The following LRRTM4 variants were observed in gnomAD, a reference collection of about 807,000 sequenced individuals.
LRRTM4 encodes leucine-rich repeat transmembrane neuronal protein 4.
LRRTM4 carries 25 observed loss-of-function variants against 47.6 expected under a neutral mutation model. The observed-to-expected ratio is 0.53, with a 90% CI of 0.38 to 0.73. The LOEUF (loss-of-function observed/expected upper bound fraction) is 0.73, where lower values mean the gene tolerates loss of function less well. Ranked by LOEUF, LRRTM4 falls within the 30% of genes least tolerant of loss-of-function variation. The pLI, the probability that LRRTM4 is intolerant of heterozygous loss-of-function variation, is 0.00. For missense variants in LRRTM4, 638 were observed against 713.4 expected (o/e 0.89, Z 1.20); for synonymous variants, 311 against 269.5 (o/e 1.15, Z -1.51).
rs146471607 is a variant in LRRTM4 at position 77,439,532 on chromosome 2, C to CA, written c.1551+78785dup. On this transcript the variant is annotated intron_variant, in intron 3 of 3. Coordinates refer to ENST00000409884, the MANE Select transcript of LRRTM4 (RefSeq NM_001134745.3). ...AACATTTCTGAGGAAGAAATCTGTACAAAAAAAATCTATTGTGTGAGACAA... is the reference window on the plus strand; with the variant it reads ...AACATTTCTGAGGAAGAAATCTGTACAAAAAAAAATCTATTGTGTGAGACAA... 8.7e-3 allele frequency among the ~76,000 whole-genome samples: 1,326 copies of CA among 151,808 alleles called. 14 individuals carry two copies. The highest frequency in any genetic ancestry group is 0.029 in the African/African-American group (1,202 of 41,414).
intron 3 of LRRTM4, among the ~76,000 whole-genome samples, chr2:76,982,963 GA>G (rs1676663921): frequency 6.6e-6 from 1 of 151,926 alleles, no homozygotes; most frequent in African/African-American, 2.4e-5. Flanking sequence ...TTAAGTTACA[GA>G]TAAGTAAATT....
intron 3 of LRRTM4, among the ~76,000 whole-genome samples, chr2:77,086,158 A>C (rs1680703800): frequency 6.6e-6 from 1 of 152,182 alleles, no homozygotes; most frequent in South Asian, 2.1e-4. Flanking sequence ...TTAATGTGCC[A>C]GCCACTGTTC....
chr2:77,071,172 C>G (rs977562074), intron 3 of LRRTM4, among the ~76,000 whole-genome samples: 5 of 152,142 alleles, frequency 3.3e-5, no homozygotes, highest in African/African-American at 1.2e-4. Flanking sequence ...TCATCAAAAT[C>G]TTCGCAAAGG....
chr2:77,094,258 AAC>A (rs1670745813), intron 3 of LRRTM4, among the ~76,000 whole-genome samples: 2 of 152,162 alleles, frequency 1.3e-5, no homozygotes, highest in Non-Finnish European at 2.9e-5. Flanking sequence ...TCAACTATAA[AAC>A]ACTGACAGAA....
intron 3 of LRRTM4, among the ~76,000 whole-genome samples, chr2:77,226,193 T>C (rs1362181317): frequency 6.6e-6 from 1 of 151,900 alleles, no homozygotes; most frequent in South Asian, 2.1e-4. Flanking sequence ...CTCTATCCAA[T>C]ATTTCACTTA....
intron 3 of LRRTM4, among the ~76,000 whole-genome samples, chr2:76,872,589 G>T (rs1238166377): frequency 6.6e-6 from 1 of 151,918 alleles, no homozygotes; most frequent in African/African-American, 2.4e-5. Flanking sequence ...TATTAATACT[G>T]CTGGTGGGGT....
intron 3 of LRRTM4, among the ~76,000 whole-genome samples, chr2:76,973,930 A>G (rs1249202972): frequency 1.3e-5 from 2 of 151,734 alleles, no homozygotes; most frequent in Admixed American, 6.6e-5. Flanking sequence ...TAAAGGATCA[A>G]TGAAACATAC....
intron 3 of LRRTM4, among the ~76,000 whole-genome samples, chr2:77,290,778 C>A (rs1377535870): frequency 6.6e-6 from 1 of 151,958 alleles, no homozygotes; most frequent in Non-Finnish European, 1.5e-5. Context: ...ATTCTAGCTT[C>A]CTTTTCCTCT....
intron 3 of LRRTM4, among the ~76,000 whole-genome samples, chr2:77,419,570 G>A (rs2103878148): frequency 6.6e-6 from 1 of 152,212 alleles, no homozygotes; most frequent in Middle Eastern, 3.4e-3. Flanking sequence ...AAAAAAATCT[G>A]TACATGTTCA....
intron 3 of LRRTM4, among the ~76,000 whole-genome samples, chr2:76,920,010 T>G (rs1674384131): frequency 6.6e-6 from 1 of 152,126 alleles, no homozygotes; most frequent in South Asian, 2.1e-4. Flanking sequence ...GCTAGCCCAG[T>G]GTTTTACATG....
chr2:77,206,427 C>T (rs1327849665), intron 3 of LRRTM4, among the ~76,000 whole-genome samples: 1 of 151,896 alleles, frequency 6.6e-6, no homozygotes, highest in African/African-American at 2.4e-5. Flanking sequence ...TCAAGTGATC[C>T]ACCCACCTCG....
intron 3 of LRRTM4, among the ~76,000 whole-genome samples, chr2:77,348,760 AAAT>A (rs1671657318): frequency 2.1e-5 from 3 of 143,178 alleles, no homozygotes; most frequent in South Asian, 4.5e-4. Context: ...AAAATTACAA[AAAT>A]AATAACAAAT....
chr2:76,810,881 C>T (rs942590403), intron 3 of LRRTM4, among the ~76,000 whole-genome samples: 6 of 152,244 alleles, frequency 3.9e-5, no homozygotes, highest in Admixed American at 6.5e-5. Context: ...ACATTACACA[C>T]TATCTTACCA....
intron 3 of LRRTM4, among the ~76,000 whole-genome samples, chr2:77,318,272 T>C (rs367939777): frequency 6.6e-6 from 1 of 152,190 alleles, no homozygotes; most frequent in South Asian, 2.1e-4. Context: ...TCCCAAAGTG[T>C]TGGGATTACA....
At position 76,980,566 on chromosome 2, in the gene LRRTM4, A is replaced by C. The variant is rs144519712; in HGVS notation, c.1552-231650T>G. The stretch of plus-strand genomic sequence containing the variant: ...AAAGAAGCCACTCTCACAGAAGACA[A>C]GTTCTTGGCATCAGCATGATTAAGA... On this transcript the variant is annotated intron_variant, in intron 3 of 3. Coordinates refer to ENST00000409884, the MANE Select transcript of LRRTM4 (RefSeq NM_001134745.3). Among the ~76,000 whole-genome samples, 4 of 152,170 alleles carry C rather than the reference A, an allele frequency of 2.6e-5. No individual in the cohort carries two copies. The East Asian group carries it at 7.8e-4, about 30-fold the overall frequency.
At chr2:77,347,711 ACT>A (rs1387021324) in intron 3 of LRRTM4, among the ~76,000 whole-genome samples, 1 of 152,034 alleles carries the variant, frequency 6.6e-6, no homozygotes, top group Non-Finnish European at 1.5e-5. Flanking sequence ...ACATAAAATT[ACT>A]CTGTTAAATT....
chr2:77,280,717 G>C (rs896086874), intron 3 of LRRTM4, among the ~76,000 whole-genome samples: 2 of 151,936 alleles, frequency 1.3e-5, no homozygotes, highest in African/African-American at 4.8e-5. Context: ...AGATTTCATA[G>C]ACTATGAGAA....
At position 77,497,423 on chromosome 2, in the gene LRRTM4, T is replaced by C. The variant is rs1344270497; in HGVS notation, c.1551+20895A>G. Among the ~76,000 whole-genome samples, 3 of 151,676 alleles carry C rather than the reference T, an allele frequency of 2.0e-5. No homozygotes were observed. The East Asian group carries it at 5.8e-4, about 29-fold the overall frequency. On this transcript the variant is annotated intron_variant, in intron 3 of 3. Transcript: ENST00000409884. ...TTGGAGATACTTTTTCTTTCTAATA[T>C]AGGAATATACTGATACAAATTTCCT...
chr2:76,780,400 A>G (rs567644078), intron 3 of LRRTM4, among the ~76,000 whole-genome samples: 2 of 152,268 alleles, frequency 1.3e-5, no homozygotes, highest in East Asian at 3.9e-4. Context: ...AGGTACACCA[A>G]TCAGACGTAG....
Sources: gnomAD v4.1 joint callset for allele counts (sites outside exome capture counted in the v4.1 genomes callset) on GRCh38, gnomAD v4.1.1 for gene constraint, MANE v1.5 for transcripts, NCBI Gene and HGNC (gene_info 2026-07-23, HGNC 2026-07-21) for gene names.